The following AUTS2 variants were observed in gnomAD, a reference collection of about 807,000 sequenced individuals.
AUTS2 encodes activator of transcription and developmental regulator AUTS2, also known as autism susceptibility gene 2 protein.
In AUTS2, 17 loss-of-function variants were observed where a neutral mutation model predicts 112.4. The observed-to-expected ratio is 0.15, with a 90% CI of 0.10 to 0.23. The LOEUF (loss-of-function observed/expected upper bound fraction) is 0.23. AUTS2 is among the 10% of genes least tolerant of loss of function. The pLI is 1.00. For synonymous variants in AUTS2, 751 were observed against 702.7 expected (o/e 1.07, Z -1.09); for missense variants, 1,510 against 1,701.6 (o/e 0.89, Z 1.98).
At chr7:70,078,155 A>G (rs1803127125) in intron 2 of AUTS2, among the ~76,000 whole-genome samples, 1 of 151,974 alleles carries the variant, frequency 6.6e-6, no homozygotes, top group Non-Finnish European at 1.5e-5. Flanking sequence ...CCTTTTATCC[A>G]TGTTGGTATG....
At chr7:70,736,913 C>G (rs932093689) in intron 6 of AUTS2, among the ~76,000 whole-genome samples, 32 of 152,302 alleles carry the variant, frequency 2.1e-4, no homozygotes, top group African/African-American at 7.0e-4. Context: ...TTCCCCACCC[C>G]TTCATCCTCC....
At chr7:70,193,545 G>A (rs955673830) in intron 4 of AUTS2, among the ~76,000 whole-genome samples, 8 of 152,188 alleles carry the variant, frequency 5.3e-5, no homozygotes, top group African/African-American at 1.9e-4. Flanking sequence ...CATAGCTCAT[G>A]AGCAATGTGG....
At chr7:69,888,392 T>C (rs956400738) in intron 1 of AUTS2, among the ~76,000 whole-genome samples, 2 of 151,284 alleles carry the variant, frequency 1.3e-5, no homozygotes, top group African/African-American at 4.9e-5. Context: ...AGTCTCTTTT[T>C]AACAACCAGC....
At chr7:70,303,312 A>G (rs1327049099) in intron 4 of AUTS2, among the ~76,000 whole-genome samples, 1 of 152,160 alleles carries the variant, frequency 6.6e-6, no homozygotes, top group African/African-American at 2.4e-5. Context: ...TCCTGCCCTC[A>G]AGAGGTTTCT....
At chr7:70,011,890 C>G (rs141061684) in intron 2 of AUTS2, among the ~76,000 whole-genome samples, 2 of 152,172 alleles carry the variant, frequency 1.3e-5, no homozygotes, top group Non-Finnish European at 2.9e-5. Flanking sequence ...CTGACTGCCT[C>G]AATCTTTTCA....
intron 5 of AUTS2, among the ~76,000 whole-genome samples, chr7:70,504,797 A>G (rs1414979710): frequency 6.6e-6 from 1 of 152,202 alleles, no homozygotes; most frequent in African/African-American, 2.4e-5. Context: ...TGAAATTGTC[A>G]GGAAGGATGA....
At chr7:70,107,147 G>T (rs778299971) in intron 2 of AUTS2, among the ~76,000 whole-genome samples, 1 of 151,848 alleles carries the variant, frequency 6.6e-6, no homozygotes, top group Non-Finnish European at 1.5e-5. Context: ...TTTATAATCC[G>T]ATACCTCACT....
At chr7:70,728,132 G>C (rs1467991056) in intron 6 of AUTS2, among the ~76,000 whole-genome samples, 1 of 152,086 alleles carries the variant, frequency 6.6e-6, no homozygotes, top group Non-Finnish European at 1.5e-5. Context: ...CCGTGTTTTA[G>C]GGTAGTATGT....
At chr7:69,990,256 G>A (rs1303744786) in intron 2 of AUTS2, among the ~76,000 whole-genome samples, 1 of 152,186 alleles carries the variant, frequency 6.6e-6, no homozygotes, top group Non-Finnish European at 1.5e-5. Flanking sequence ...AGCATCTACT[G>A]AAATATCAGC....
At chr7:70,750,007 A>G (rs1282288796) in intron 6 of AUTS2, among the ~76,000 whole-genome samples, 2 of 152,218 alleles carry the variant, frequency 1.3e-5, no homozygotes, top group Admixed American at 1.3e-4. Context: ...GCTGGTGGAA[A>G]TTAATCACCC....
intron 1 of AUTS2, among the ~76,000 whole-genome samples, chr7:69,876,347 AAAATATATATATATAT>A (rs1388584117): frequency 4.3e-5 from 2 of 46,454 alleles, no homozygotes; most frequent in African/African-American, 8.7e-5. Flanking sequence ...AAAAAAAAAA[AAAATATATATATATAT>A]ATATATATAT....
At chr7:70,635,988 C>T (rs1805516163) in intron 5 of AUTS2, among the ~76,000 whole-genome samples, 1 of 152,216 alleles carries the variant, frequency 6.6e-6, no homozygotes, top group East Asian at 1.9e-4. Context: ...CAAAATCAGG[C>T]TGGGCTGCTC....
At chr7:70,170,504 G>A (rs1808618783) in intron 4 of AUTS2, among the ~76,000 whole-genome samples, 1 of 151,286 alleles carries the variant, frequency 6.6e-6, no homozygotes, top group Non-Finnish European at 1.5e-5. Context: ...TATTTTGGTA[G>A]TAAAGGTAAA....
intron 4 of AUTS2, among the ~76,000 whole-genome samples, chr7:70,423,472 A>G (rs1795305887): frequency 6.6e-6 from 1 of 152,236 alleles, no homozygotes; most frequent in Non-Finnish European, 1.5e-5. Flanking sequence ...TATTTTTCCA[A>G]CTTAACTTTG....
chr7:70,277,085 C>T (rs1020656759), intron 4 of AUTS2, among the ~76,000 whole-genome samples: 7 of 152,116 alleles, frequency 4.6e-5, no homozygotes, highest in Non-Finnish European at 1.0e-4. Flanking sequence ...CATGTCAAGG[C>T]CAGTAGTTGA....
Position 69,829,789 on chromosome 7 carries a change from G to C in AUTS2, c.310-69497G>C, listed in dbSNP as rs555790237. 2.6e-5 allele frequency among the ~76,000 whole-genome samples: 4 copies of C among 152,292 alleles called. No homozygotes were observed. In the East Asian group the frequency reaches 5.8e-4, roughly 22 times the overall value. On this transcript the variant is annotated intron_variant, in intron 1 of 18. Transcript: ENST00000342771. ...AGGAACGCTTTTACACTGTTGGTGGGAATGTAAATTAGTTCAACCATTGTG... is the reference window on the plus strand; with the variant it reads ...AGGAACGCTTTTACACTGTTGGTGGCAATGTAAATTAGTTCAACCATTGTG...
intron 2 of AUTS2, among the ~76,000 whole-genome samples, chr7:69,979,489 A>AT (rs1798204364): frequency 1.3e-5 from 2 of 152,200 alleles, no homozygotes; most frequent in Admixed American, 1.3e-4. Flanking sequence ...AATTACAGTC[A>AT]TTTTTTCAAG....
At chr7:70,013,627 A>T (rs1799900253) in intron 2 of AUTS2, among the ~76,000 whole-genome samples, 1 of 152,160 alleles carries the variant, frequency 6.6e-6, no homozygotes, top group Admixed American at 6.5e-5. Flanking sequence ...TAGCTTGCAA[A>T]TTTACTGTCT....
At position 70,790,926 on chromosome 7, in the gene AUTS2, C is replaced by A; in HGVS notation, c.3710C>A (p.Thr1237Lys). The A allele has an allele frequency of 6.4e-7, 1 of 1,561,622 alleles. No homozygotes were observed. The part of the protein sequence containing the change: ...LGGRPVSPRR[T>K]TPLSAEIRER... The stretch of plus-strand genomic sequence containing the variant: ...GGCCGCCCGGTCTCTCCCAGAAGGA[C>A]GACTCCTCTGTCCGCAGAGATAAGG... Residue 1237 changes from threonine (T) to lysine (K), a missense_variant, in exon 19 of 19, where the codon ACG becomes AAG. Thr to Lys is a moderately conservative substitution (Grantham distance 78). This residue lies in a region of AUTS2 where 788 missense variants were observed against 797.6 expected (regional missense o/e 0.99). Transcript: ENST00000342771. This position sits in a 1 kb window ranked among gnomAD's most constrained non-coding sequence, Gnocchi z 7.6.
Sources: gnomAD v4.1 joint callset for allele counts (sites outside exome capture counted in the v4.1 genomes callset) on GRCh38, gnomAD v4.1.1 for gene constraint, gnomAD v4.1.1 regional missense constraint, Gnocchi (gnomAD v3.1) non-coding constraint, MANE v1.5 for transcripts, NCBI Gene and HGNC (gene_info 2026-07-23, HGNC 2026-07-21) for gene names.